The following NBEA variants were observed in gnomAD, a reference collection of about 807,000 sequenced individuals.
The protein encoded by NBEA is neurobeachin.
NBEA carries 44 observed loss-of-function variants against 343.4 expected under a neutral mutation model. That is an observed-to-expected ratio of 0.13 (90% CI 0.10 to 0.16). NBEA has a LOEUF of 0.16. Among genes scored for constraint, NBEA ranks in the 10% least tolerant of loss-of-function variants. The pLI, the probability that NBEA is intolerant of heterozygous loss-of-function variation, is 1.00. For synonymous variants in NBEA, 1,175 were observed against 1,238.7 expected (o/e 0.95, Z 1.08); for missense variants, 2,555 against 3,631.3 (o/e 0.70, Z 7.62).
rs1258192947 is a variant in NBEA, at chr13:35,654,841, C to T, written c.8036-14C>T. On this transcript the variant is annotated splice_polypyrimidine_tract_variant and intron_variant, in intron 53 of 58. Transcript: ENST00000379939. ...GGAATCTTTCTTCAAATGCTTTTTTCCATTTACTTTTAGCCAATAATTCAG... is the reference window on the plus strand; with the variant it reads ...GGAATCTTTCTTCAAATGCTTTTTTTCATTTACTTTTAGCCAATAATTCAG... 2 of 1,557,420 alleles carry T rather than the reference C, an allele frequency of 1.3e-6. No individual in the cohort carries two copies. The highest frequency in any genetic ancestry group is 4.3e-5 in the Admixed American group (2 of 46,298).
chr13:34,960,912 A>G (rs2059641352), intron 1 of NBEA, among the ~76,000 whole-genome samples: 2 of 152,166 alleles, frequency 1.3e-5, no homozygotes, highest in South Asian at 2.1e-4. Context: ...ACTCTGAAAG[A>G]TAAACTAATA....
chr13:34,976,542 A>G (rs2060181238), intron 1 of NBEA, among the ~76,000 whole-genome samples: 2 of 152,196 alleles, frequency 1.3e-5, no homozygotes, highest in Admixed American at 6.5e-5. Context: ...ATGTAACTCA[A>G]CATCACCTGG....
chr13:35,079,580 T>C (rs2064280998), intron 10 of NBEA, among the ~76,000 whole-genome samples: 1 of 152,178 alleles, frequency 6.6e-6, no homozygotes, highest in African/African-American at 2.4e-5. Context: ...CTGGCAATTT[T>C]TTTCTTAGTA....
chr13:35,507,251 TTC>T (rs1293499950), intron 41 of NBEA, among the ~76,000 whole-genome samples: 1 of 152,144 alleles, frequency 6.6e-6, no homozygotes, highest in Non-Finnish European at 1.5e-5. Flanking sequence ...TTTGCCAAAA[TTC>T]TCTCCTTTTC....
chr13:35,056,909 G>T (rs1423108215), intron 7 of NBEA, among the ~76,000 whole-genome samples: 1 of 152,006 alleles, frequency 6.6e-6, no homozygotes, highest in Non-Finnish European at 1.5e-5. Flanking sequence ...TTACAGAAGC[G>T]GGAAGATCAC....
chr13:35,585,778 A>G (rs1216841552), intron 46 of NBEA, among the ~76,000 whole-genome samples: 2 of 152,042 alleles, frequency 1.3e-5, no homozygotes, highest in African/African-American at 4.8e-5. Flanking sequence ...CAGCTGCCCA[A>G]TCTAGAAATT....
chr13:35,604,227 G>A (rs1373073707), intron 47 of NBEA, among the ~76,000 whole-genome samples: 1 of 152,132 alleles, frequency 6.6e-6, no homozygotes, highest in African/African-American at 2.4e-5. Context: ...ATGAACATGT[G>A]TTTTCTACAG....
intron 8 of NBEA, among the ~76,000 whole-genome samples, chr13:35,069,669 G>A (rs962564987): frequency 1.3e-5 from 2 of 151,944 alleles, no homozygotes; most frequent in East Asian, 1.9e-4. Context: ...AAATGATTTT[G>A]CCAGTAATCA....
intron 36 of NBEA, among the ~76,000 whole-genome samples, chr13:35,328,435 T>C (rs903327535): frequency 1.1e-4 from 16 of 151,906 alleles, no homozygotes; most frequent in African/African-American, 3.9e-4. Flanking sequence ...TGCCTAGTAT[T>C]CAATGGCACA....
At position 35,266,308 on chromosome 13, in the gene NBEA, C is replaced by T. The variant is rs999752421; in HGVS notation, c.5777-24081C>T. 2.0e-5 allele frequency among the ~76,000 whole-genome samples: 3 copies of T among 151,804 alleles called. No individual in the cohort carries two copies. In the South Asian group the frequency reaches 6.2e-4, roughly 32 times the overall value. On this transcript the variant is annotated intron_variant, in intron 34 of 58. Coordinates refer to ENST00000379939, the MANE Select transcript of NBEA (RefSeq NM_001385012.1). ...CTTCAAAAACCTAAAAACAGAACTA[C>T]CATATGATCTAGCAGTTTTTCTACT...
intron 1 of NBEA, among the ~76,000 whole-genome samples, chr13:35,028,204 A>G (rs1030353299): frequency 3.3e-5 from 5 of 151,934 alleles, no homozygotes; most frequent in Admixed American, 3.3e-4. Context: ...TACATCTACT[A>G]AAAATATTTC....
intron 41 of NBEA, among the ~76,000 whole-genome samples, chr13:35,482,931 A>G (rs1282287325): frequency 6.6e-6 from 1 of 151,890 alleles, no homozygotes; most frequent in Non-Finnish European, 1.5e-5. Flanking sequence ...TGATTAATGT[A>G]TAAATGTCTG....
intron 1 of NBEA, among the ~76,000 whole-genome samples, chr13:34,982,808 C>G (rs2060403207): frequency 6.6e-6 from 1 of 152,010 alleles, no homozygotes; most frequent in African/African-American, 2.4e-5. Context: ...TAGTGTTGTT[C>G]ATATATTTTA....
At chr13:35,605,172 A>T (rs2082235644) in intron 47 of NBEA, among the ~76,000 whole-genome samples, 1 of 152,208 alleles carries the variant, frequency 6.6e-6, no homozygotes, top group African/African-American at 2.4e-5. Flanking sequence ...AGCTCCATTT[A>T]TCCAGAAAAA....
At chr13:35,272,286 T>C (rs1037618963) in intron 34 of NBEA, among the ~76,000 whole-genome samples, 1 of 152,116 alleles carries the variant, frequency 6.6e-6, no homozygotes, top group African/African-American at 2.4e-5. Flanking sequence ...AATAAAATCC[T>C]TTACAGACAA....
In NBEA at chr13:35,222,982, T is replaced by C. The variant is rs557261200; in HGVS notation, c.5649-9510T>C. On this transcript the variant is annotated intron_variant, in intron 33 of 58. Transcript: ENST00000379939. ...CCGCATCTCTAATAAAAATACAGAA[T>C]TATCTGGGTGTGGTGGCATGTGCCT... 9.2e-5 allele frequency among the ~76,000 whole-genome samples: 14 copies of C among 152,128 alleles called. No homozygotes were observed. In the South Asian group the frequency reaches 2.9e-3, roughly 32 times the overall value.
At chr13:35,207,979 G>T (rs2073507789) in intron 31 of NBEA, among the ~76,000 whole-genome samples, 2 of 152,284 alleles carry the variant, frequency 1.3e-5, no homozygotes, top group Middle Eastern at 6.8e-3. Context: ...CCAGCACTTT[G>T]GGAGGCCAAG....
Position 35,104,965 on chromosome 13 carries a change from C to T in NBEA, c.1681-4325C>T, listed in dbSNP as rs1849040953. The stretch of plus-strand genomic sequence containing the variant: ...GATGGCATATCAGTTATATTCTTGG[C>T]AGGGAACAGATGGCATACTCAACCT... On this transcript the variant is annotated intron_variant, in intron 11 of 58. Transcript: ENST00000379939. 5.3e-5 allele frequency among the ~76,000 whole-genome samples: 8 copies of T among 151,878 alleles called. No individual in the cohort carries two copies. In the South Asian group the frequency reaches 1.7e-3, roughly 31 times the overall value.
chr13:35,240,002 A>G (rs1244278492), intron 34 of NBEA, among the ~76,000 whole-genome samples: 8 of 151,520 alleles, frequency 5.3e-5, no homozygotes, highest in Admixed American at 5.3e-4. Context: ...GAGCATCCAT[A>G]AATCTATTAG....
Sources: allele counts gnomAD v4.1 joint callset (sites outside exome capture counted in the v4.1 genomes callset), GRCh38; gene constraint gnomAD v4.1.1; transcripts MANE v1.5; gene names NCBI Gene and HGNC (gene_info 2026-07-23, HGNC 2026-07-21).